Variants in DLC1 observed in about 807,000 individuals in gnomAD.
DLC1 encodes the protein rho GTPase-activating protein 7.
In DLC1, 54 loss-of-function variants were observed where a neutral mutation model predicts 140.3. That is an observed-to-expected ratio of 0.38 (90% confidence interval 0.31 to 0.48). The LOEUF (loss-of-function observed/expected upper bound fraction) is 0.48. Among genes scored for constraint, DLC1 ranks in the 20% least tolerant of loss-of-function variants. The pLI is 0.96. For synonymous variants in DLC1, 986 were observed against 728.1 expected (o/e 1.35, Z -5.70); for missense variants, 2,536 against 1,907.0 (o/e 1.33, Z -6.14).
chr8:13,113,457 T>G (rs1820286069), intron 6 of DLC1, among the ~76,000 whole-genome samples: 1 of 152,190 alleles, frequency 6.6e-6, no homozygotes, highest in Admixed American at 6.5e-5. Flanking sequence ...CTTGTGCAAA[T>G]GCACCCTGCA....
intron 4 of DLC1, among the ~76,000 whole-genome samples, chr8:13,356,766 A>G (rs990729903): frequency 3.3e-5 from 5 of 152,332 alleles, no homozygotes; most frequent in South Asian, 2.1e-4. Context: ...TTACACATCA[A>G]TAACAGGAAT....
At chr8:13,346,898 G>A (rs953663163) in intron 4 of DLC1, among the ~76,000 whole-genome samples, 1 of 152,196 alleles carries the variant, frequency 6.6e-6, no homozygotes, top group Non-Finnish European at 1.5e-5. Context: ...ACTTTCTCCG[G>A]TTTCAGTTAC....
chr8:13,297,025 A>G (rs1831984344), intron 5 of DLC1, among the ~76,000 whole-genome samples: 1 of 151,902 alleles, frequency 6.6e-6, no homozygotes, highest in Admixed American at 6.6e-5. Flanking sequence ...AAATGAAGAA[A>G]TATTTGGAAA....
chr8:13,528,826 C>G (rs755241486), intron 1 of DLC1, among the ~76,000 whole-genome samples: 17 of 152,124 alleles, frequency 1.1e-4, no homozygotes, highest in Non-Finnish European at 1.5e-5. Context: ...GAGCAACAGA[C>G]CCACTGAACT....
chr8:13,603,384 C>T lies in DLC1; in HGVS notation c.-126+1153G>A, dbSNP rs902499566. On this transcript the variant is annotated intron_variant, in intron 1 of 1. Transcript: ENST00000631382. ...GACAGAGTTTGATTAATGGGAGTCA[C>T]TGATTTTTTACTTTAATTTTTTTTT... Among the ~76,000 whole-genome samples, 4 of 151,532 alleles carry T rather than the reference C, an allele frequency of 2.6e-5. 1 individual carries two copies. Among genetic ancestry groups the T allele is most frequent in the African/African-American group, 4.9e-5 (2 of 41,170 alleles).
intron 5 of DLC1, among the ~76,000 whole-genome samples, chr8:13,260,285 A>G (rs1830422846): frequency 6.6e-6 from 1 of 152,230 alleles, no homozygotes; most frequent in South Asian, 2.1e-4. Context: ...AAGGTCATAG[A>G]GACAAGCTCA....
intron 1 of DLC1, among the ~76,000 whole-genome samples, chr8:13,596,167 C>G (rs1355419452): frequency 6.6e-6 from 1 of 151,938 alleles, no homozygotes; most frequent in Non-Finnish European, 1.5e-5. Flanking sequence ...GGTATCACAT[C>G]TTATAGTCAA....
intron 1 of DLC1, among the ~76,000 whole-genome samples, chr8:13,562,320 A>T (rs1223953558): frequency 1.3e-5 from 2 of 152,176 alleles, no homozygotes; most frequent in African/African-American, 4.8e-5. Context: ...GAACCAAGTC[A>T]CAGACAAATA....
intron 2 of DLC1, among the ~76,000 whole-genome samples, chr8:13,487,320 T>G (rs1224104970): frequency 6.6e-6 from 1 of 152,214 alleles, no homozygotes; most frequent in Non-Finnish European, 1.5e-5. Context: ...GTTTGGGCTA[T>G]CTACATGTCA....
chr8:13,223,653 AT>A (rs1828660743), intron 5 of DLC1, among the ~76,000 whole-genome samples: 1 of 152,236 alleles, frequency 6.6e-6, no homozygotes, highest in Non-Finnish European at 1.5e-5. Flanking sequence ...TTAAAAAAGA[AT>A]TACTTGGTTG....
intron 4 of DLC1, among the ~76,000 whole-genome samples, chr8:13,315,682 A>T (rs1832838056): frequency 6.6e-6 from 1 of 152,108 alleles, no homozygotes; most frequent in Admixed American, 6.5e-5. Flanking sequence ...TTGTTTGTTA[A>T]TTTCCATTTG....
At chr8:13,543,753 A>G (rs1043560588) in intron 1 of DLC1, among the ~76,000 whole-genome samples, 1 of 152,186 alleles carries the variant, frequency 6.6e-6, no homozygotes, top group African/African-American at 2.4e-5. Flanking sequence ...GGAAAATCAA[A>G]TACTGTATGT....
Position 13,506,581 on chromosome 8 carries a change from G to GTGTGTATATA in DLC1, c.-125-6386_-125-6385insTATATACACA, listed in dbSNP as rs1246764417. On this transcript the variant is annotated intron_variant, in intron 1 of 17. Transcript: ENST00000276297. ...CACACACACACATGTGTGTGTGTGT[G>GTGTGTATATA]TATATATATATATATATATATATAT... Among the ~76,000 whole-genome samples, 97 of 131,138 alleles carry GTGTGTATATA rather than the reference G, an allele frequency of 7.4e-4. 2 individuals are homozygous for GTGTGTATATA. In the South Asian group the frequency reaches 0.018, roughly 24 times the overall value. 86.0% of individuals were successfully genotyped at this position (131,138 alleles called of 152,430 possible). A position where few individuals can be genotyped will look rare whatever the true frequency, so the allele number is the denominator to read the frequency against.
chr8:13,503,097 A>C (rs760376576), intron 1 of DLC1, among the ~76,000 whole-genome samples: 1 of 152,240 alleles, frequency 6.6e-6, no homozygotes, highest in Non-Finnish European at 1.5e-5. Flanking sequence ...ATAGCATACA[A>C]TATATACATT....
chr8:13,516,561 G>GACTTAT (rs938904566), upstream of DLC1, among the ~76,000 whole-genome samples: 7 of 152,118 alleles, frequency 4.6e-5, no homozygotes, highest in Non-Finnish European at 7.4e-5. Context: ...TGGCAAGAAT[G>GACTTAT]ACTTATACTG....
chr8:13,216,726 G>T (rs998134450), intron 5 of DLC1, among the ~76,000 whole-genome samples: 3 of 151,962 alleles, frequency 2.0e-5, no homozygotes, highest in African/African-American at 7.3e-5. Flanking sequence ...CTTTGTTGTG[G>T]GGGTCTGTCC....
chr8:13,146,703 C>T (rs1474688516), intron 5 of DLC1, among the ~76,000 whole-genome samples: 1 of 151,996 alleles, frequency 6.6e-6, no homozygotes, highest in Non-Finnish European at 1.5e-5. Flanking sequence ...ATTGCTTGTG[C>T]TATTAGAATG....
intron 5 of DLC1, among the ~76,000 whole-genome samples, chr8:13,288,574 A>C (rs559803008): frequency 6.6e-6 from 1 of 152,292 alleles, no homozygotes; most frequent in South Asian, 2.1e-4. Context: ...TCCTCAGCTA[A>C]ATGTCCAGAA....
At chr8:13,393,757 A>G in intron 3 of DLC1, 64 bp from the exon 4 acceptor site, 1 of 1,547,690 alleles carries the variant, frequency 6.5e-7, no homozygotes, top group East Asian at 2.3e-5. Flanking sequence ...CCTTCTTCCT[A>G]CCACCAGAAC....
Sources: gnomAD v4.1 joint callset for allele counts (sites outside exome capture counted in the v4.1 genomes callset) on GRCh38, gnomAD v4.1.1 for gene constraint, MANE v1.5 for transcripts, NCBI Gene and HGNC (gene_info 2026-07-23, HGNC 2026-07-21) for gene names.